RALGPS2: variants seen among roughly 807,000 people sequenced by gnomAD.
The protein encoded by RALGPS2 is ras-specific guanine nucleotide-releasing factor RalGPS2.
A neutral mutation model predicts 86.8 loss-of-function variants in RALGPS2; 43 were observed. The observed-to-expected ratio is 0.50, with a 90% CI of 0.39 to 0.64. The LOEUF (loss-of-function observed/expected upper bound fraction) is 0.64. Ranked by LOEUF, RALGPS2 falls within the 30% of genes least tolerant of loss-of-function variation. RALGPS2 has a pLI of 0.00. For synonymous variants in RALGPS2, 243 were observed against 231.3 expected, an observed-to-expected ratio of 1.05 and a Z score of -0.46; for missense variants, 536 against 694.6, an observed-to-expected ratio of 0.77 and a Z score of 2.57.
intron 17 of RALGPS2, among the ~76,000 whole-genome samples, chr1:178,899,358 T>G (rs192321170): frequency 1.3e-5 from 2 of 151,962 alleles, no homozygotes; most frequent in African/African-American, 4.8e-5. Context: ...TTTCTCATCT[T>G]TTCTAATTAA....
intron 15 of RALGPS2, among the ~76,000 whole-genome samples, chr1:178,892,574 A>G (rs1283468492): frequency 6.6e-6 from 1 of 152,114 alleles, no homozygotes; most frequent in African/African-American, 2.4e-5. Context: ...TTTAAACTGC[A>G]CCAGTCTTTC....
At chr1:178,770,945 T>C (rs746418282) in intron 1 of RALGPS2, among the ~76,000 whole-genome samples, 10 of 151,610 alleles carry the variant, frequency 6.6e-5, no homozygotes, top group Non-Finnish European at 1.2e-4. Flanking sequence ...ATCAAGCTAT[T>C]CTCCTGCCTC....
At chr1:178,848,348 T>C (rs572067638) in intron 8 of RALGPS2, among the ~76,000 whole-genome samples, 4 of 152,046 alleles carry the variant, frequency 2.6e-5, no homozygotes, top group African/African-American at 9.6e-5. Context: ...AAAGAATCCT[T>C]CTATAAACCA....
In RALGPS2 at chr1:178,889,700, A is replaced by T. The variant is rs1489512662; in HGVS notation, c.1247+4A>T. Reference sequence around the variant, plus strand: ...CCTCATGGCCTGCTTTTGAAAGGTAAGATAAATTGTCCATTTGAACTACTT... The same window carrying T: ...CCTCATGGCCTGCTTTTGAAAGGTATGATAAATTGTCCATTTGAACTACTT... On this transcript the variant is annotated splice_donor_region_variant and intron_variant, in intron 14 of 19. Transcript: ENST00000367635. The T allele has an allele frequency of 1.3e-6, 2 of 1,599,930 alleles. No homozygotes were observed. Among genetic ancestry groups the T allele is most frequent in the East Asian group, 4.5e-5 (2 of 44,390 alleles).
chr1:178,740,963 G>C (rs532167122), intron 1 of RALGPS2, among the ~76,000 whole-genome samples: 3 of 152,316 alleles, frequency 2.0e-5, no homozygotes, highest in Admixed American at 6.5e-5. Flanking sequence ...GATTAAGTGA[G>C]AATGACACAT....
chr1:178,779,986 G>T (rs534909438), intron 2 of RALGPS2, among the ~76,000 whole-genome samples: 2 of 152,230 alleles, frequency 1.3e-5, no homozygotes, highest in Admixed American at 1.3e-4. Context: ...CACCTGCCTT[G>T]GCCTCCCAAA....
chr1:178,833,046 G>C (rs1225266217), intron 7 of RALGPS2, among the ~76,000 whole-genome samples: 2 of 151,996 alleles, frequency 1.3e-5, no homozygotes, highest in African/African-American at 4.8e-5. Context: ...ATGCAAGAAT[G>C]ATGTTTATCT....
intron 13 of RALGPS2, among the ~76,000 whole-genome samples, chr1:178,889,038 G>GT (rs575671029): frequency 6.6e-5 from 10 of 151,492 alleles, no homozygotes; most frequent in East Asian, 3.9e-4. Flanking sequence ...TTTTTTGTTG[G>GT]TTTTTTTTCC....
At position 178,897,768 on chromosome 1, in the gene RALGPS2, T is replaced by C. The variant is rs1165078583; in HGVS notation, c.1524+12T>C. ...CCGAAAGAAAACATGTAAGTATTTG[T>C]TCTCTACATTTTTAGCGTGGTTTCC... On this transcript the variant is annotated intron_variant, in intron 17 of 19. Coordinates refer to ENST00000367635, the MANE Select transcript of RALGPS2 (RefSeq NM_152663.5). The C allele has an allele frequency of 1.3e-6, 2 of 1,597,640 alleles. No individual in the cohort carries two copies. Among genetic ancestry groups the C allele is most frequent in the Non-Finnish European group, 8.6e-7 (1 of 1,165,794 alleles).
At chr1:178,809,004 G>A (rs914049219) in intron 5 of RALGPS2, among the ~76,000 whole-genome samples, 1 of 151,806 alleles carries the variant, frequency 6.6e-6, no homozygotes, top group African/African-American at 2.4e-5. Flanking sequence ...GCACCACCAC[G>A]CCAGACTAAT....
At chr1:178,755,358 T>TG (rs1651898623) in intron 1 of RALGPS2, among the ~76,000 whole-genome samples, 1 of 152,150 alleles carries the variant, frequency 6.6e-6, no homozygotes, top group South Asian at 2.1e-4. Flanking sequence ...CTCCTGCTGG[T>TG]GGTGCCCAGT....
At chr1:178,849,643 T>C (rs1657050821) in intron 8 of RALGPS2, 2 of 152,158 alleles carry the variant, frequency 1.3e-5, no homozygotes, top group South Asian at 4.1e-4. Flanking sequence ...CTGAAGGAAG[T>C]GGAGAGGGAC....
intron 6 of RALGPS2, among the ~76,000 whole-genome samples, chr1:178,817,495 TA>T (rs1185902113): frequency 7.2e-5 from 11 of 152,224 alleles, no homozygotes; most frequent in Non-Finnish European, 1.5e-5. Flanking sequence ...TGTCTATTCT[TA>T]TTCCAATATC....
intron 8 of RALGPS2, among the ~76,000 whole-genome samples, chr1:178,845,944 T>C (rs772430015): frequency 1.3e-5 from 2 of 152,204 alleles, no homozygotes; most frequent in Non-Finnish European, 2.9e-5. Context: ...CTTATCATAG[T>C]TAATGACATT....
intron 8 of RALGPS2, chr1:178,850,824 G>GTTCAAAGCT (rs1657122608): frequency 4.9e-6 from 1 of 205,558 alleles, no homozygotes; most frequent in African/African-American, 2.3e-5. Context: ...TGTTATTTAT[G>GTTCAAAGCT]ATTTAAAATA....
chr1:178,892,562 C>T (rs1659762520), intron 15 of RALGPS2, among the ~76,000 whole-genome samples: 1 of 151,990 alleles, frequency 6.6e-6, no homozygotes, highest in Non-Finnish European at 1.5e-5. Flanking sequence ...AAGTTGGTAG[C>T]CTTTAAACTG....
chr1:178,824,344 G>A (rs1655646991), intron 7 of RALGPS2, among the ~76,000 whole-genome samples: 1 of 152,030 alleles, frequency 6.6e-6, no homozygotes, highest in Non-Finnish European at 1.5e-5. Context: ...AAGATTTGTT[G>A]TATTTTGTTT....
Position 178,897,660 on chromosome 1 carries a change from C to T in RALGPS2, c.1432-4C>T, listed in dbSNP as rs753886625. ...TAGTATATTCCTGTGTTTGTCCTAT[C>T]CAGGTAGCATCTTGGACAAAATATT... is the stretch of plus-strand genomic sequence containing the variant. On this transcript the variant is annotated splice_region_variant and splice_polypyrimidine_tract_variant and intron_variant, in intron 16 of 19. Coordinates refer to ENST00000367635, the MANE Select transcript of RALGPS2 (RefSeq NM_152663.5). The T allele has an allele frequency of 1.9e-6, 3 of 1,606,422 alleles. No homozygotes were observed. The highest frequency in any genetic ancestry group is 1.7e-6 in the Non-Finnish European group (2 of 1,173,504).
intron 1 of RALGPS2, among the ~76,000 whole-genome samples, chr1:178,739,024 T>C (rs914339157): frequency 8.5e-5 from 13 of 152,234 alleles, no homozygotes; most frequent in Admixed American, 5.9e-4. Flanking sequence ...AGCTACACTT[T>C]TGTGTATGTG....
Sources: allele counts gnomAD v4.1 joint callset (sites outside exome capture counted in the v4.1 genomes callset), GRCh38; gene constraint gnomAD v4.1.1; transcripts MANE v1.5; gene names NCBI Gene and HGNC (gene_info 2026-07-23, HGNC 2026-07-21).